Variants in NAV2 observed in about 807,000 individuals in gnomAD.
The protein encoded by NAV2 is neuron navigator 2.
NAV2 carries 54 observed loss-of-function variants against 223.2 expected under a neutral mutation model. The observed-to-expected ratio is 0.24, with a 90% CI of 0.19 to 0.30. The LOEUF is 0.30. Ranked by LOEUF, NAV2 falls within the 10% of genes least tolerant of loss-of-function variation. NAV2 has a pLI of 1.00. For missense variants in NAV2, 2,806 were observed against 3,147.5 expected (o/e 0.89, Z 2.60); for synonymous variants, 1,279 against 1,239.3 (o/e 1.03, Z -0.67).
At chr11:19,787,943 ACTCT>A (rs941873474) in intron 1 of NAV2, among the ~76,000 whole-genome samples, 3 of 152,052 alleles carry the variant, frequency 2.0e-5, no homozygotes, top group Non-Finnish European at 4.4e-5. Context: ...GAGCACATGT[ACTCT>A]CTCCTCTCCA....
At chr11:19,717,838 A>T (rs1046296019) in intron 1 of NAV2, among the ~76,000 whole-genome samples, 2 of 152,202 alleles carry the variant, frequency 1.3e-5, no homozygotes, top group African/African-American at 4.8e-5. Context: ...AGGGGAAAGG[A>T]GGCTATTCTG....
At chr11:19,537,261 C>T (rs1041192676) in intron 1 of NAV2, among the ~76,000 whole-genome samples, 2 of 149,688 alleles carry the variant, frequency 1.3e-5, no homozygotes, top group Admixed American at 1.3e-4. Context: ...AGGTCAATAA[C>T]AACAACTAAT....
At chr11:19,629,059 G>A (rs2047262064) in intron 1 of NAV2, among the ~76,000 whole-genome samples, 1 of 152,062 alleles carries the variant, frequency 6.6e-6, no homozygotes, top group Admixed American at 6.6e-5. Flanking sequence ...ATATAAGAGT[G>A]GGCAGAAAAC....
intron 15 of NAV2, chr11:20,049,403 GTGCTTGGAGC>G: frequency 1.8e-6 from 1 of 565,210 alleles, no homozygotes; most frequent in Admixed American, 3.4e-5. Context: ...GTTATTTTTG[GTGCTTGGAGC>G]TGCTCAGTCT....
At chr11:19,527,937 GACACACACACAC>G (rs67561376) in intron 1 of NAV2, among the ~76,000 whole-genome samples, 17 of 143,250 alleles carry the variant, frequency 1.2e-4, no homozygotes, top group East Asian at 8.3e-4. Flanking sequence ...TCCCTGCCCT[GACACACACACAC>G]ACACACACAC....
chr11:19,775,215 T>C (rs1406542843), intron 1 of NAV2, among the ~76,000 whole-genome samples: 1 of 152,244 alleles, frequency 6.6e-6, no homozygotes, highest in Non-Finnish European at 1.5e-5. Context: ...CAGAATATGC[T>C]TTTTCAAATG....
At chr11:20,016,058 C>T (rs1269290872) in intron 11 of NAV2, among the ~76,000 whole-genome samples, 2 of 152,240 alleles carry the variant, frequency 1.3e-5, no homozygotes, top group East Asian at 1.9e-4. Context: ...GATAATAACG[C>T]GTGTTAGAAC....
At chr11:19,539,017 T>C (rs1385203306) in intron 1 of NAV2, among the ~76,000 whole-genome samples, 2 of 152,314 alleles carry the variant, frequency 1.3e-5, no homozygotes, top group East Asian at 3.9e-4. Flanking sequence ...TGGTAAATGT[T>C]TGCTAACAGT....
chr11:19,742,954 A>G (rs7481639), intron 1 of NAV2, among the ~76,000 whole-genome samples: 148,963 of 152,338 alleles, frequency 0.98, 72,920 homozygotes, highest in East Asian at 1. Context: ...AAAGATGTCA[A>G]AGTTTGTAGC....
At chr11:19,464,426 C>G (rs1852276894) in intron 1 of NAV2, among the ~76,000 whole-genome samples, 1 of 152,146 alleles carries the variant, frequency 6.6e-6, no homozygotes, top group Non-Finnish European at 1.5e-5. Flanking sequence ...ATAGATCCTG[C>G]TGATGAGAGC....
chr11:20,016,685 A>G (rs1451754020), intron 11 of NAV2, among the ~76,000 whole-genome samples: 1 of 152,132 alleles, frequency 6.6e-6, no homozygotes, highest in Non-Finnish European at 1.5e-5. Flanking sequence ...CCCAGTGGAA[A>G]TAGAGATTCT....
At chr11:20,106,201 A>ATG (rs1229372665) in intron 35 of NAV2, among the ~76,000 whole-genome samples, 2 of 33,050 alleles carry the variant, frequency 6.1e-5, no homozygotes, top group African/African-American at 1.4e-4. Flanking sequence ...ATATATATAT[A>ATG]TATATATATA....
Position 19,726,516 on chromosome 11 carries a change from C to T in NAV2, c.267+12554C>T, listed in dbSNP as rs562943912. Among the ~76,000 whole-genome samples the T allele has an allele frequency of 2.5e-4, 38 of 152,346 alleles. 1 individual carries two copies. The South Asian group carries it at 7.5e-3, about 30-fold the overall frequency. Reference sequence around the variant, plus strand: ...AGCACTCACTCCCTCAGCTCCAGTTCTTTGCTTTGATGTTACCTTATCAGA... The same window carrying T: ...AGCACTCACTCCCTCAGCTCCAGTTTTTTGCTTTGATGTTACCTTATCAGA... On this transcript the variant is annotated intron_variant, in intron 1 of 37. Coordinates refer to ENST00000349880, the MANE Select transcript of NAV2 (RefSeq NM_145117.5).
At chr11:19,482,068 T>A (rs2042297373) in intron 1 of NAV2, among the ~76,000 whole-genome samples, 1 of 152,248 alleles carries the variant, frequency 6.6e-6, no homozygotes, top group Non-Finnish European at 1.5e-5. Flanking sequence ...TAACTTTATG[T>A]GTTTGTAATT....
intron 1 of NAV2, among the ~76,000 whole-genome samples, chr11:19,352,918 G>A (rs1362308876): frequency 2.0e-5 from 3 of 152,164 alleles, no homozygotes; most frequent in Admixed American, 2.0e-4. Flanking sequence ...GTGCATGTGT[G>A]TGTTTGTGGG....
intron 1 of NAV2, among the ~76,000 whole-genome samples, chr11:19,800,762 T>C (rs1466356116): frequency 6.6e-6 from 1 of 151,956 alleles, no homozygotes. Flanking sequence ...TTTTGGGAAC[T>C]TTTGTGCTTT....
At chr11:20,034,376 T>TTTTTTTTTTTTTTTTTTTG (rs1564889151) in intron 11 of NAV2, among the ~76,000 whole-genome samples, 1 of 117,782 alleles carries the variant, frequency 8.5e-6, no homozygotes, top group African/African-American at 3.0e-5. Context: ...TTTTTTTTTT[T>TTTTTTTTTTTTTTTTTTTG]TTTGTTTGTT....
chr11:19,842,710 C>T (rs578039368), intron 2 of NAV2, among the ~76,000 whole-genome samples, 161 bp from the exon 3 acceptor site: 1 of 152,262 alleles, frequency 6.6e-6, no homozygotes, highest in East Asian at 1.9e-4. Flanking sequence ...ATGAGTAAGT[C>T]CTGAAGCTTG....
chr11:19,975,782 G>C lies in NAV2; in HGVS notation c.2646-8343G>C, dbSNP rs545225608. 6.8e-4 allele frequency among the ~76,000 whole-genome samples: 104 copies of C among 152,312 alleles called. 1 individual carries two copies. Among genetic ancestry groups the C allele is most frequent in the Non-Finnish European group, 1.2e-3 (80 of 68,032 alleles). On this transcript the variant is annotated intron_variant, in intron 10 of 37. Transcript: ENST00000349880. ...CATTGTAGAGTGTGTTGAAGCATCT[G>C]CTCAGCCAGGATCTACTTCTGCCCT...
Sources: allele counts gnomAD v4.1 joint callset (sites outside exome capture counted in the v4.1 genomes callset), GRCh38; gene constraint gnomAD v4.1.1; transcripts MANE v1.5; gene names NCBI Gene and HGNC (gene_info 2026-07-23, HGNC 2026-07-21).